FCN2: variants seen among roughly 807,000 people sequenced by gnomAD.
FCN2 encodes ficolin 2, also known as ficolin-2.
FCN2 carries 31 observed loss-of-function variants against 32.5 expected under a neutral mutation model. That is an observed-to-expected ratio of 0.96 (90% confidence interval 0.72 to 1.29). The LOEUF (loss-of-function observed/expected upper bound fraction) is 1.29, where lower values mean the gene tolerates loss of function less well. FCN2 is among the 50% of genes most tolerant of loss of function. The pLI is 0.00. For missense variants in FCN2, 412 were observed against 406.5 expected (o/e 1.01, Z -0.12); for synonymous variants, 181 against 164.5 (o/e 1.10, Z -0.77).
chr9:134,880,281 C>T (rs903356912), upstream of FCN2, among the ~76,000 whole-genome samples: 6 of 152,170 alleles, frequency 3.9e-5, no homozygotes, highest in African/African-American at 1.2e-4. Flanking sequence ...ATTTTCCTCT[C>T]CTTTTCACCC....
At chr9:134,876,719 C>G (rs756362647), upstream of FCN2, among the ~76,000 whole-genome samples, 45 of 152,206 alleles carry the variant, frequency 3.0e-4, no homozygotes, top group Non-Finnish European at 5.9e-4. Flanking sequence ...GCTGAGATTA[C>G]AGGTGCCTAC....
chr9:134,870,115 G>A, the FCN2 span, among the ~76,000 whole-genome samples: 6 of 152,220 alleles, frequency 3.9e-5, no homozygotes, highest in Non-Finnish European at 8.8e-5. This position sits in a 1 kb window ranked among gnomAD's most constrained non-coding sequence, Gnocchi z 4.3. Flanking sequence ...AGCCTGGCCT[G>A]AAGGAGTTAA....
upstream of FCN2, among the ~76,000 whole-genome samples, chr9:134,878,255 G>A (rs1206523544): frequency 2.0e-5 from 3 of 152,158 alleles, no homozygotes; most frequent in African/African-American, 7.2e-5. Context: ...ATACAGGGGG[G>A]TAGAAAAGGC....
chr9:134,872,768 A>G, the FCN2 span, among the ~76,000 whole-genome samples: 4 of 152,186 alleles, frequency 2.6e-5, no homozygotes, highest in Non-Finnish European at 5.9e-5. Flanking sequence ...CCCATGACAC[A>G]TGGGAATTAT....
At position 134,882,650 on chromosome 9, in the gene FCN2, G is replaced by T. The variant is rs749578723; in HGVS notation, c.214+11G>T. ...CCAATGGAAAGAGAGGTAGGTGCAGGCATGGCTGGGGGCACTGGCTCTTGC... is the reference window on the plus strand; with the variant it reads ...CCAATGGAAAGAGAGGTAGGTGCAGTCATGGCTGGGGGCACTGGCTCTTGC... On this transcript the variant is annotated intron_variant, in intron 2 of 7. Coordinates refer to ENST00000291744, the MANE Select transcript of FCN2 (RefSeq NM_004108.3). The T allele has an allele frequency of 6.4e-7, 1 of 1,568,204 alleles. No individual in the cohort carries two copies. Among genetic ancestry groups the T allele is most frequent in the Non-Finnish European group, 8.8e-7 (1 of 1,138,658 alleles).
chr9:134,871,167 A>G, the FCN2 span, among the ~76,000 whole-genome samples: 1 of 151,888 alleles, frequency 6.6e-6, no homozygotes, highest in Non-Finnish European at 1.5e-5. Flanking sequence ...TCTACAATTT[A>G]CTCAACGTGT....
chr9:134,884,507 C>G (rs1051745159), intron 3 of FCN2, among the ~76,000 whole-genome samples: 2 of 152,160 alleles, frequency 1.3e-5, no homozygotes, highest in African/African-American at 4.8e-5. Context: ...GGATGGTGGC[C>G]TCTGCTTCCC....
intron 6 of FCN2, 122 bp downstream of exon 6, chr9:134,886,019 A>C (rs1830749401): frequency 9.5e-6 from 10 of 1,051,414 alleles, no homozygotes; most frequent in African/African-American, 1.6e-5. Flanking sequence ...CCCTGAGCAC[A>C]CTCAGGGTGG....
intron 3 of FCN2, among the ~76,000 whole-genome samples, chr9:134,883,655 A>G (rs1286224652): frequency 1.6e-5 from 2 of 125,554 alleles, no homozygotes; most frequent in Non-Finnish European, 3.3e-5. Flanking sequence ...AGGGTTCTCA[A>G]TGTCGGAGGA....
In FCN2 at chr9:134,882,513, TG is replaced by T; in HGVS notation, c.101-12del. ...CCAGGTGACACTGAGTGGCCACCTG[TG>T]TTTTTCTGCAGAGGTGAAGATGGTG... On this transcript the variant is annotated splice_polypyrimidine_tract_variant and intron_variant, in intron 1 of 7. Transcript: ENST00000291744. The T allele has an allele frequency of 6.2e-7, 1 of 1,610,992 alleles. No individual in the cohort carries two copies.
the FCN2 span, among the ~76,000 whole-genome samples, chr9:134,875,562 G>T: frequency 6.6e-6 from 1 of 152,218 alleles, no homozygotes; most frequent in Non-Finnish European, 1.5e-5. Context: ...TGGTCTTGTT[G>T]CATTCTCTCA....
In FCN2 at chr9:134,883,841, G is replaced by T. The variant is rs371634354; in HGVS notation, c.268+486G>T. 8.8e-3 allele frequency among the ~76,000 whole-genome samples: 1,175 copies of T among 133,928 alleles called. 14 individuals carry two copies. The highest frequency in any genetic ancestry group is 0.061 in the South Asian group (204 of 3,342). The allele number at this position is 133,928 out of a possible 152,430, so 87.9% of individuals were successfully genotyped here. A position where few individuals can be genotyped will look rare whatever the true frequency, so the allele number is the denominator to read the frequency against. ...TTCGGGGAGGGACTTTTAGTGTGGG[G>T]AGGGGTTCTTAGTGGGGGGGCTGTC... On this transcript the variant is annotated intron_variant, in intron 3 of 7. Transcript: ENST00000291744.
intron 3 of FCN2, among the ~76,000 whole-genome samples, chr9:134,883,978 G>GT (rs926758818): frequency 8.1e-5 from 10 of 124,182 alleles, no homozygotes; most frequent in Non-Finnish European, 1.6e-4. Context: ...TCTTGAGAGG[G>GT]TGGGGGGGGA....
upstream of FCN2, among the ~76,000 whole-genome samples, chr9:134,880,616 GCAGGGATGA>G (rs1254184531): frequency 6.6e-6 from 1 of 152,150 alleles, no homozygotes; most frequent in Non-Finnish European, 1.5e-5. Flanking sequence ...CCGTCCCCCT[GCAGGGATGA>G]CAGTCGCCAT....
At position 134,887,358 on chromosome 9, in the gene FCN2, G is replaced by A. The variant is rs150154280; in HGVS notation, c.885G>A (p.Ser295=). ...GSFANGINWK[S]GKGYNYSYKV... ...TTGCAAATGGCATCAACTGGAAGTCGGGGAAAGGATACAATTATAGCTACA... is the reference window on the plus strand; with the variant it reads ...TTGCAAATGGCATCAACTGGAAGTCAGGGAAAGGATACAATTATAGCTACA... Residue 295 remains serine, a synonymous_variant, in exon 8 of 8, where the codon TCG becomes TCA. Coordinates refer to ENST00000291744, the MANE Select transcript of FCN2 (RefSeq NM_004108.3). The A allele has an allele frequency of 2.1e-5, 34 of 1,614,014 alleles. No homozygotes were observed. Among genetic ancestry groups the A allele is most frequent in the Admixed American group, 5.0e-5 (3 of 60,006 alleles).
At chr9:134,870,416 C>A in the FCN2 span, among the ~76,000 whole-genome samples, 2 of 152,120 alleles carry the variant, frequency 1.3e-5, no homozygotes. This position sits in a 1 kb window ranked among gnomAD's most constrained non-coding sequence, Gnocchi z 4.3. Context: ...CAGCCTTCAC[C>A]CCCAGGGTGA....
Position 134,883,317 on chromosome 9 carries a change from CT to C in FCN2, c.231del (p.Gly78AspfsTer22), listed in dbSNP as rs1327251132. The C allele has an allele frequency of 1.9e-6, 3 of 1,613,672 alleles. No homozygotes were observed. Among genetic ancestry groups the C allele is most frequent in the Non-Finnish European group, 1.7e-6 (2 of 1,179,646 alleles). ...TNGKRGERGP[P>X]GPPGKAGPPG... ...GAAATTGCAGGAGAACGTGGCCCCCCTGGACCTCCTGGGAAGGCAGGACCAC... is the reference window on the plus strand; with the variant it reads ...GAAATTGCAGGAGAACGTGGCCCCCCGGACCTCCTGGGAAGGCAGGACCAC... On this transcript the variant is annotated frameshift_variant, in exon 3 of 8. Transcript: ENST00000291744. LOFTEE classifies it high-confidence loss of function.
the FCN2 span, among the ~76,000 whole-genome samples, chr9:134,872,620 G>C: frequency 2.0e-5 from 3 of 152,128 alleles, no homozygotes; most frequent in African/African-American, 7.2e-5. Context: ...CGTCTCGCCG[G>C]GCAGCAGACA....
chr9:134,870,320 G>T, the FCN2 span, among the ~76,000 whole-genome samples: 3 of 152,318 alleles, frequency 2.0e-5, no homozygotes, highest in South Asian at 6.2e-4. The surrounding 1 kb of genome is among the most constrained non-coding windows in gnomAD (Gnocchi z 4.3). Context: ...CCTAGTGTGG[G>T]TGCAGAGGTC....
Sources: gnomAD v4.1 joint callset for allele counts (sites outside exome capture counted in the v4.1 genomes callset) on GRCh38, gnomAD v4.1.1 for gene constraint, Gnocchi (gnomAD v3.1) non-coding constraint, MANE v1.5 for transcripts, NCBI Gene and HGNC (gene_info 2026-07-23, HGNC 2026-07-21) for gene names.